The following MYB variants were observed in gnomAD, a reference collection of about 807,000 sequenced individuals.
MYB encodes transcriptional activator Myb.
A neutral mutation model predicts 92.9 loss-of-function variants in MYB; 28 were observed. The observed-to-expected ratio is 0.30, with a 90% CI of 0.22 to 0.41. The LOEUF (loss-of-function observed/expected upper bound fraction) is 0.41, where lower values mean the gene tolerates loss of function less well. Ranked by LOEUF, MYB falls within the 10% of genes least tolerant of loss-of-function variation. MYB has a pLI of 1.00. For synonymous variants in MYB, 295 were observed against 329.1 expected, an observed-to-expected ratio of 0.90 and a Z score of 1.12; for missense variants, 679 against 929.3, an observed-to-expected ratio of 0.73 and a Z score of 3.50.
In MYB at chr6:135,196,963, T is replaced by G; in HGVS notation, c.1206T>G (p.Asp402Glu). 6.2e-7 allele frequency: 1 copy of G among 1,611,296 alleles called. No homozygotes were observed. The highest frequency in any genetic ancestry group is 1.3e-5 in the African/African-American group (1 of 74,962). Residue 402 changes from aspartate (D) to glutamate (E), a missense_variant and splice_region_variant, in exon 10 of 16, where the codon GAT (aspartate) becomes GAG (glutamate). By Grantham distance (45) the Asp-to-Glu change is conservative (BLOSUM62 2). This residue lies in a region of MYB where 402 missense variants were observed against 434.2 expected (regional missense o/e 0.93). Coordinates refer to ENST00000341911, the MANE Select transcript of MYB (RefSeq NM_001130173.2). Reference sequence around the variant, plus strand: ...CTGTGCCTCCCACATTGTTTCAGGATTCTTCATCATGGTGTGATCTCAGCA... The same window carrying G: ...CTGTGCCTCCCACATTGTTTCAGGAGTCTTCATCATGGTGTGATCTCAGCA... ...FAETLQFIDS[D>E]SSSWCDLSSF...
chr6:135,217,885 C>T lies in MYB; in HGVS notation c.2191C>T (p.Pro731Ser), dbSNP rs561459986. 1.9e-6 allele frequency: 3 copies of T among 1,612,592 alleles called. No individual in the cohort carries two copies. The highest frequency in any genetic ancestry group is 4.5e-5 in the East Asian group (2 of 44,860). ...TCAGCCTTGTAGCAGTACCTGGGAA[C>T]CTGCATCCTGTGGAAAGATGGAGGA... ...PLQPCSSTWE[P>S]ASCGKMEEQM... Residue 731 changes from proline (P) to serine (S), a missense_variant, in exon 16 of 16, where the codon CCT (proline) becomes TCT (serine). Physicochemically the swap from Pro to Ser is moderately conservative, Grantham distance 74. Coordinates refer to ENST00000341911, the MANE Select transcript of MYB (RefSeq NM_001130173.2).
chr6:135,204,478 T>A (rs1393271909), intron 15 of MYB, among the ~76,000 whole-genome samples: 1 of 152,154 alleles, frequency 6.6e-6, no homozygotes, highest in Non-Finnish European at 1.5e-5. Flanking sequence ...TTTTTTGTAT[T>A]TTTGGATAGA....
chr6:135,203,823 A>G, intron 15 of MYB: 2 of 1,276,102 alleles, frequency 1.6e-6, no homozygotes, highest in South Asian at 1.3e-5. Flanking sequence ...TCAACTGTCA[A>G]TGTTGTGAGG....
chr6:135,194,900 A>G (rs529987698), intron 8 of MYB: 1 of 1,257,196 alleles, frequency 8.0e-7, no homozygotes, highest in Non-Finnish European at 1.0e-6. Context: ...GTAAAAGGTT[A>G]TATATAAAAC....
chr6:135,210,829 A>G (rs532537098), intron 15 of MYB, among the ~76,000 whole-genome samples: 3 of 152,260 alleles, frequency 2.0e-5, no homozygotes, highest in African/African-American at 7.2e-5. Context: ...CACAGGTGAT[A>G]TTATTAGGCA....
chr6:135,210,715 A>G lies in MYB; in HGVS notation c.2170-7149A>G, dbSNP rs75147091. ...TCAAGTGAACACAATTAAGCAAAGT[A>G]TAAGTTTGGGACCATGGAATATCCT... On this transcript the variant is annotated intron_variant, in intron 15 of 15. Transcript: ENST00000341911. Among the ~76,000 whole-genome samples, 457 of 152,362 alleles carry G rather than the reference A, an allele frequency of 3.0e-3. 3 individuals are homozygous for G. The highest frequency in any genetic ancestry group is 0.01 in the African/African-American group (436 of 41,590).
intron 13 of MYB, among the ~76,000 whole-genome samples, chr6:135,201,138 T>C (rs1278181643): frequency 1.3e-5 from 2 of 152,222 alleles, no homozygotes; most frequent in Non-Finnish European, 1.5e-5. Flanking sequence ...AAGTTTTAGC[T>C]TGTTGGCAAC....
chr6:135,197,172 A>G lies in MYB; in HGVS notation c.1415A>G (p.His472Arg), dbSNP rs377629986. The change falls in exon 10 of 16, where the codon CAC (histidine) becomes CGC (arginine). Residue 472 changes from histidine (H) to arginine (R), a missense_variant. Coordinates refer to ENST00000341911, the MANE Select transcript of MYB (RefSeq NM_001130173.2). Reference protein sequence around the residue: ...DPPKVLPPARHSTIPLVILRK... With the variant: ...DPPKVLPPARRSTIPLVILRK... ...CCCAAGGTCTTACCTCCTGCAAGGC[A>G]CAGCACAATTCCACTGGTCATCCTT... 8.1e-6 allele frequency: 13 copies of G among 1,613,998 alleles called. No individual in the cohort carries two copies. The African/African-American group carries it at 1.2e-4, about 15-fold the overall frequency.
In MYB at chr6:135,197,341, C is replaced by T; in HGVS notation, c.1566+18C>T. On this transcript the variant is annotated intron_variant, in intron 10 of 15. Transcript: ENST00000341911. ...CCTCGCAGGTAGAACACAATTTCTG[C>T]ACAGCTGTTACTCATTTTCAACAGA... The T allele has an allele frequency of 6.4e-7, 1 of 1,568,994 alleles. No homozygotes were observed. Among genetic ancestry groups the T allele is most frequent in the Non-Finnish European group, 8.7e-7 (1 of 1,149,598 alleles).
Position 135,203,214 on chromosome 6 carries a change from T to C in MYB, c.2062-3T>C, listed in dbSNP as rs1778380865. ...AAATTTCAAATTATTCTCTTCCCTT[T>C]AGAATATTCTTACAAGCTCCGTTTT... is the stretch of plus-strand genomic sequence containing the variant. On this transcript the variant is annotated splice_region_variant and splice_polypyrimidine_tract_variant and intron_variant, in intron 14 of 15. Coordinates refer to ENST00000341911, the MANE Select transcript of MYB (RefSeq NM_001130173.2). 6.3e-7 allele frequency: 1 copy of C among 1,578,540 alleles called. No homozygotes were observed. Among genetic ancestry groups the C allele is most frequent in the African/African-American group, 1.4e-5 (1 of 73,978 alleles).
Position 135,197,012 on chromosome 6 carries a change from G to T in MYB, c.1255G>T (p.Asp419Tyr), listed in dbSNP as rs774565025. The T allele has an allele frequency of 1.2e-5, 19 of 1,613,858 alleles. No individual in the cohort carries two copies. The highest frequency in any genetic ancestry group is 3.3e-4 in the Middle Eastern group (2 of 6,084). Reference sequence around the variant, plus strand: ...CAGTTTTGAATTCTTTGAAGAAGCAGATTTTTCACCTAGCCAACATCACAC... The same window carrying T: ...CAGTTTTGAATTCTTTGAAGAAGCATATTTTTCACCTAGCCAACATCACAC... Reference protein sequence around the residue: ...LSSFEFFEEADFSPSQHHTGK... With the variant: ...LSSFEFFEEAYFSPSQHHTGK... Residue 419 changes from aspartate (D) to tyrosine (Y), a missense_variant, in exon 10 of 16, where the codon GAT (aspartate) becomes TAT (tyrosine). Coordinates refer to ENST00000341911, the MANE Select transcript of MYB (RefSeq NM_001130173.2).
chr6:135,193,905 C>A lies in MYB; in HGVS notation c.830C>A (p.Ala277Asp). 3 of 1,608,700 alleles carry A rather than the reference C, an allele frequency of 1.9e-6. No individual in the cohort carries two copies. The highest frequency in any genetic ancestry group is 2.6e-6 in the Non-Finnish European group (3 of 1,175,124). The change falls in exon 7 of 16, where the codon GCC becomes GAC. Residue 277 changes from alanine (A) to aspartate (D), a missense_variant. Coordinates refer to ENST00000341911, the MANE Select transcript of MYB (RefSeq NM_001130173.2). ...ATAGTCAATGTCCCTCAGCCAGCTGCCGCAGCCATTCAGGTAAGATCATTG... is the reference window on the plus strand; with the variant it reads ...ATAGTCAATGTCCCTCAGCCAGCTGACGCAGCCATTCAGGTAAGATCATTG... ...VNIVNVPQPA[A>D]AAIQRHYNDE...
chr6:135,194,457 A>G lies in MYB; in HGVS notation c.945A>G (p.Leu315=). The change falls in exon 8 of 16, where the codon CTA becomes CTG. Residue 315 remains leucine, a synonymous_variant. Transcript: ENST00000341911. ...ATGAGCTAAAAGGACAGCAGGTGCT[A>G]CCAGTAAGACTGTCATCATGTGCTT... ...TENELKGQQV[L]PTQNHTCSYP... The G allele has an allele frequency of 6.2e-7, 1 of 1,607,704 alleles. No homozygotes were observed. The highest frequency in any genetic ancestry group is 1.1e-5 in the South Asian group (1 of 90,950).
At chr6:135,200,480 G>A (rs1271375279) in intron 13 of MYB, 65 bp downstream of exon 13, 1 of 1,604,412 alleles carries the variant, frequency 6.2e-7, no homozygotes, top group South Asian at 1.1e-5. Flanking sequence ...CTTGTGTGCA[G>A]CTTGATGTGT....
intron 2 of MYB, 111 bp from the exon 3 acceptor site, chr6:135,187,723 G>A (rs187279353): frequency 3.4e-4 from 196 of 584,600 alleles, no homozygotes; most frequent in Admixed American, 6.6e-4. Flanking sequence ...TCCTGTATTC[G>A]GATACTTTAG....
chr6:135,200,538 A>C, intron 13 of MYB, 123 bp downstream of exon 13: 1 of 1,437,844 alleles, frequency 7.0e-7, no homozygotes, highest in East Asian at 2.3e-5. Context: ...CAAGATTTTC[A>C]TACAAGGTGC....
chr6:135,208,523 G>A (rs1779285115), intron 15 of MYB, among the ~76,000 whole-genome samples: 1 of 150,106 alleles, frequency 6.7e-6, no homozygotes, highest in Non-Finnish European at 1.5e-5. Context: ...GGGACTATAG[G>A]CACATGCCAC....
In MYB at chr6:135,218,454, C is replaced by G. The variant is rs1780720265; in HGVS notation, c.*474C>G. On this transcript the variant is annotated 3_prime_UTR_variant, in exon 16 of 16. Transcript: ENST00000341911. ...GACTTAATACCATGTGACATTTAAT[C>G]CAGATTGTAAATGCTCATTTATGGT... 1 of 188,452 alleles carries G rather than the reference C, an allele frequency of 5.3e-6. No homozygotes were observed. Among genetic ancestry groups the G allele is most frequent in the Non-Finnish European group, 1.1e-5 (1 of 89,470 alleles). 11.7% of individuals were successfully genotyped at this position (188,452 alleles called of 1,614,324 possible). A position where few individuals can be genotyped will look rare whatever the true frequency, so the allele number is the denominator to read the frequency against.
In MYB at chr6:135,181,642, G is replaced by T; in HGVS notation, c.23+106G>T. ...AATTCGTTCCGGGATCATCTGAGGG[G>T]CTGTCAGACCCTCCGAGGACCTGGA... On this transcript the variant is annotated intron_variant, in intron 1 of 15. Coordinates refer to ENST00000341911, the MANE Select transcript of MYB (RefSeq NM_001130173.2). The surrounding 1 kb of genome is among the most constrained non-coding windows in gnomAD (Gnocchi z 5.3). 1.2e-6 allele frequency: 1 copy of T among 813,986 alleles called. No homozygotes were observed. Among genetic ancestry groups the T allele is most frequent in the Non-Finnish European group, 1.6e-6 (1 of 633,914 alleles). The allele number at this position is 813,986 out of a possible 1,614,324, so 50.4% of individuals were successfully genotyped here.
Sources: gnomAD v4.1 joint callset for allele counts (sites outside exome capture counted in the v4.1 genomes callset) on GRCh38, gnomAD v4.1.1 for gene constraint, gnomAD v4.1.1 regional missense constraint, Gnocchi (gnomAD v3.1) non-coding constraint, MANE v1.5 for transcripts, NCBI Gene and HGNC (gene_info 2026-07-23, HGNC 2026-07-21) for gene names.